The following C1GALT1 variants were observed in gnomAD, a reference collection of about 807,000 sequenced individuals.
C1GALT1 encodes the protein glycoprotein-N-acetylgalactosamine 3-beta-galactosyltransferase 1.
Under a neutral mutation model 31.0 loss-of-function variants are expected in C1GALT1, and 11 were observed. That is an observed-to-expected ratio of 0.36 (90% CI 0.22 to 0.59). The LOEUF is 0.59. Among genes scored for constraint, C1GALT1 ranks in the 20% least tolerant of loss-of-function variants. The probability of loss-of-function intolerance (pLI) is 0.79; values close to 1 mark genes in which losing one functional copy is unlikely to be tolerated. For synonymous variants in C1GALT1, 175 were observed against 143.6 expected (o/e 1.22, Z -1.56); for missense variants, 424 against 425.2 (o/e 1.00, Z 0.03).
intron 2 of C1GALT1, among the ~76,000 whole-genome samples, chr7:7,236,976 G>A (rs544818414): frequency 1.1e-4 from 17 of 152,182 alleles, no homozygotes; most frequent in East Asian, 5.8e-4. Context: ...CATATGCTTC[G>A]TCAGGATACT....
rs745683118 is a variant in C1GALT1 at position 7,185,774 on chromosome 7, A to G, written c.-18+2954A>G. Among the ~76,000 whole-genome samples the G allele has an allele frequency of 4.0e-4, 61 of 152,338 alleles. 1 individual carries two copies. Among genetic ancestry groups the G allele is most frequent in the Middle Eastern group, 6.8e-3 (2 of 294 alleles). ...CACGTGCAGAGGTACTGGAATTAGG[A>G]CTTCAACCTATCTTTTGTGGGGACA... On this transcript the variant is annotated intron_variant, in intron 1 of 3. Transcript: ENST00000436587.
At chr7:7,224,301 G>C (rs969563964) in intron 1 of C1GALT1, among the ~76,000 whole-genome samples, 1 of 151,330 alleles carries the variant, frequency 6.6e-6, no homozygotes, top group African/African-American at 2.4e-5. Context: ...TTGGATTTTG[G>C]TATCAGGGTA....
intron 3 of C1GALT1, among the ~76,000 whole-genome samples, chr7:7,241,361 C>T (rs1783621201): frequency 6.6e-6 from 1 of 151,940 alleles, no homozygotes; most frequent in South Asian, 2.1e-4. Flanking sequence ...GATTTCATTT[C>T]TATGCCATTG....
At chr7:7,185,188 C>T (rs1034564054) in intron 1 of C1GALT1, among the ~76,000 whole-genome samples, 2 of 152,140 alleles carry the variant, frequency 1.3e-5, no homozygotes, top group Non-Finnish European at 2.9e-5. Context: ...AATTATCTAG[C>T]ACCTGTAGTA....
At chr7:7,242,232 T>C (rs1014959778) in intron 3 of C1GALT1, among the ~76,000 whole-genome samples, 1 of 150,818 alleles carries the variant, frequency 6.6e-6, no homozygotes. Context: ...TTTTTTTACA[T>C]TTTTTATGTG....
At chr7:7,193,782 A>G (rs1048821181) in intron 1 of C1GALT1, among the ~76,000 whole-genome samples, 1 of 152,128 alleles carries the variant, frequency 6.6e-6, no homozygotes, top group Non-Finnish European at 1.5e-5. Flanking sequence ...GATCATTTTC[A>G]CAATATTGAT....
At chr7:7,224,161 A>ACT (rs1782642562) in intron 1 of C1GALT1, among the ~76,000 whole-genome samples, 1 of 152,196 alleles carries the variant, frequency 6.6e-6, no homozygotes, top group South Asian at 2.1e-4. Context: ...ATACTTTGTG[A>ACT]AATACTAATA....
intron 1 of C1GALT1, among the ~76,000 whole-genome samples, chr7:7,218,836 ATTTTT>A (rs1281043126): frequency 7.0e-6 from 1 of 142,048 alleles, no homozygotes; most frequent in Non-Finnish European, 1.5e-5. Context: ...CCGTGTTTCT[ATTTTT>A]TTTTTTTTTT....
rs536912534 is a variant in C1GALT1 at position 7,234,718 on chromosome 7, T to C, written c.220+179T>C. 794 of 536,324 alleles carry C rather than the reference T, an allele frequency of 1.5e-3. 3 individuals carry two copies. Among genetic ancestry groups the C allele is most frequent in the Non-Finnish European group, 1.9e-3 (592 of 307,704 alleles). The allele number at this position is 536,324 out of a possible 1,614,324, so 33.2% of individuals were successfully genotyped here. On this transcript the variant is annotated intron_variant, in intron 2 of 3. Coordinates refer to ENST00000436587, the MANE Select transcript of C1GALT1 (RefSeq NM_020156.5). ...TCAGATTTATTTAGGGAATAAGATA[T>C]TAATTTTGAATTCGTTTTTAAGTAG...
chr7:7,200,769 T>G (rs1298382224), intron 1 of C1GALT1, among the ~76,000 whole-genome samples: 1 of 152,222 alleles, frequency 6.6e-6, no homozygotes, highest in African/African-American at 2.4e-5. Flanking sequence ...CTGATACTCT[T>G]TCTTCCACCT....
At chr7:7,173,829 G>T (rs1215638697) in intron 2 of C1GALT1, among the ~76,000 whole-genome samples, 1 of 152,130 alleles carries the variant, frequency 6.6e-6, no homozygotes, top group Non-Finnish European at 1.5e-5. Context: ...CTTAAGCCTG[G>T]GCGGTGGAGG....
chr7:7,225,867 A>G (rs1279931805), intron 1 of C1GALT1, among the ~76,000 whole-genome samples: 2 of 152,190 alleles, frequency 1.3e-5, no homozygotes, highest in African/African-American at 4.8e-5. Context: ...TATTCCATTT[A>G]AAGATAATTT....
intron 1 of C1GALT1, among the ~76,000 whole-genome samples, chr7:7,201,869 C>T (rs1781544833): frequency 6.6e-6 from 1 of 152,158 alleles, no homozygotes; most frequent in East Asian, 1.9e-4. Context: ...GTCCAGGAAA[C>T]TTCATGTTTG....
chr7:7,208,500 G>A (rs541155318), intron 1 of C1GALT1, among the ~76,000 whole-genome samples: 1 of 152,070 alleles, frequency 6.6e-6, no homozygotes, highest in Admixed American at 6.5e-5. Flanking sequence ...TGTATATGCA[G>A]TTTCTTTTGA....
intron 2 of C1GALT1, among the ~76,000 whole-genome samples, chr7:7,162,584 A>G (rs1474310484): frequency 1.3e-5 from 2 of 151,988 alleles, no homozygotes; most frequent in Non-Finnish European, 2.9e-5. Flanking sequence ...ATACATGTGC[A>G]TGTGTCTTTA....
chr7:7,167,848 T>C (rs573154379), intron 2 of C1GALT1, among the ~76,000 whole-genome samples: 56 of 152,266 alleles, frequency 3.7e-4, no homozygotes, highest in African/African-American at 1.3e-3. Context: ...AACATTCTCC[T>C]AGACTCAGAA....
At chr7:7,224,650 T>C (rs1258281861) in intron 1 of C1GALT1, among the ~76,000 whole-genome samples, 2 of 152,170 alleles carry the variant, frequency 1.3e-5, no homozygotes, top group Non-Finnish European at 2.9e-5. Flanking sequence ...ATTCCCTTAT[T>C]ATCCTTTGGT....
At chr7:7,232,268 G>T (rs1783109581) in intron 1 of C1GALT1, among the ~76,000 whole-genome samples, 1 of 152,164 alleles carries the variant, frequency 6.6e-6, no homozygotes, top group Non-Finnish European at 1.5e-5. Context: ...TGTACTAAAA[G>T]AACCTAGTCA....
chr7:7,202,324 G>T (rs1053238631), intron 1 of C1GALT1, among the ~76,000 whole-genome samples: 1 of 152,144 alleles, frequency 6.6e-6, no homozygotes, highest in Admixed American at 6.5e-5. Context: ...CACACTACTC[G>T]GTGTGTCTGA....
Sources: gnomAD v4.1 joint callset for allele counts (sites outside exome capture counted in the v4.1 genomes callset) on GRCh38, gnomAD v4.1.1 for gene constraint, MANE v1.5 for transcripts, NCBI Gene and HGNC (gene_info 2026-07-23, HGNC 2026-07-21) for gene names.